The following COL6A6 variants were observed in gnomAD, a reference collection of about 807,000 sequenced individuals.
COL6A6 encodes collagen type VI alpha 6 chain, also known as collagen alpha-6(VI) chain.
In COL6A6, 183 loss-of-function variants were observed where a neutral mutation model predicts 208.6. The observed-to-expected ratio is 0.88, with a 90% CI of 0.78 to 0.99. The LOEUF (loss-of-function observed/expected upper bound fraction) is 0.99. COL6A6 is among the 50% of genes least tolerant of loss of function. The pLI, the probability that COL6A6 is intolerant of heterozygous loss-of-function variation, is 0.00. For synonymous variants in COL6A6, 973 were observed against 1,011.8 expected, an observed-to-expected ratio of 0.96 and a Z score of 0.73; for missense variants, 2,816 against 2,815.2, an observed-to-expected ratio of 1.00 and a Z score of -0.01.
chr3:130,573,761 G>C (rs1262606064), intron 7 of COL6A6, among the ~76,000 whole-genome samples, 195 bp from the exon 8 acceptor site: 1 of 151,664 alleles, frequency 6.6e-6, no homozygotes, highest in Non-Finnish European at 1.5e-5. Context: ...AGTTGATCCT[G>C]GGTTTCACCA....
chr3:130,594,495 G>T (rs1295628676), intron 18 of COL6A6, 152 bp downstream of exon 18: 3 of 622,982 alleles, frequency 4.8e-6, no homozygotes, highest in Non-Finnish European at 8.5e-6. Context: ...ACCTGTGCTA[G>T]ATCCTCTTCA....
In COL6A6 at chr3:130,566,995, T is replaced by G; in HGVS notation, c.1576T>G (p.Leu526Val). Residue 526 changes from leucine (L) to valine (V), a missense_variant, in exon 5 of 37, where the codon TTG becomes GTG. Physicochemically the swap from Leu to Val is conservative, Grantham distance 32. Coordinates refer to ENST00000358511, the MANE Select transcript of COL6A6 (RefSeq NM_001102608.3). Reference sequence around the variant, plus strand: ...AGCACTGAATTTCACACTGAGTCTGTTGCAAAAAGCAAAGAAGCAGCGAGG... The same window carrying G: ...AGCACTGAATTTCACACTGAGTCTGGTGCAAAAAGCAAAGAAGCAGCGAGG... Reference protein sequence around the residue: ...GAALNFTLSLLQKAKKQRGNK... With the variant: ...GAALNFTLSLVQKAKKQRGNK... 6.2e-7 allele frequency: 1 copy of G among 1,614,018 alleles called. No homozygotes were observed. The highest frequency in any genetic ancestry group is 8.5e-7 in the Non-Finnish European group (1 of 1,179,892).
chr3:130,528,997 C>T (rs1420526812), intron 1 of COL6A6, among the ~76,000 whole-genome samples: 5 of 152,044 alleles, frequency 3.3e-5, no homozygotes, highest in Non-Finnish European at 2.9e-5. Context: ...GGCTGAGGCA[C>T]GAGAATGGCG....
intron 28 of COL6A6, among the ~76,000 whole-genome samples, chr3:130,638,158 C>T (rs1020090108): frequency 6.6e-6 from 1 of 151,968 alleles, no homozygotes; most frequent in Non-Finnish European, 1.5e-5. Context: ...AATCCTTCAC[C>T]CCCTCACTCA....
At chr3:130,647,749 G>C (rs1219209846) in intron 32 of COL6A6, among the ~76,000 whole-genome samples, 1 of 152,224 alleles carries the variant, frequency 6.6e-6, no homozygotes, top group Non-Finnish European at 1.5e-5. Context: ...TTGTTGTAAA[G>C]CAAGATGGTC....
intron 31 of COL6A6, among the ~76,000 whole-genome samples, chr3:130,644,450 T>C (rs935255013): frequency 1.3e-5 from 2 of 152,238 alleles, no homozygotes; most frequent in Admixed American, 6.5e-5. Flanking sequence ...GTGGCTGCCA[T>C]GTTGAACAGT....
chr3:130,541,424 A>G (rs1460609985), intron 1 of COL6A6, among the ~76,000 whole-genome samples: 1 of 152,204 alleles, frequency 6.6e-6, no homozygotes, highest in African/African-American at 2.4e-5. Context: ...AGTTTAGGCA[A>G]TTACTAATAA....
intron 21 of COL6A6, 120 bp from the exon 22 acceptor site, chr3:130,608,782 T>C (rs2108199945): frequency 3.4e-6 from 1 of 294,726 alleles, no homozygotes; most frequent in Admixed American, 5.4e-5. Context: ...TTTTTTTTTT[T>C]TTTTTTTTGC....
intron 31 of COL6A6, 99 bp downstream of exon 31, chr3:130,643,122 T>TAA (rs2065367570): frequency 1.5e-6 from 2 of 1,295,838 alleles, no homozygotes; most frequent in Non-Finnish European, 2.2e-6. Flanking sequence ...GCCAATTTCT[T>TAA]AAAATTGGAG....
At chr3:130,519,939 C>G (rs999611048) in intron 1 of COL6A6, among the ~76,000 whole-genome samples, 1 of 152,136 alleles carries the variant, frequency 6.6e-6, no homozygotes. Flanking sequence ...TTAACAGGAA[C>G]GAATGATCCG....
At chr3:130,621,277 CT>C (rs1220331734) in intron 23 of COL6A6, among the ~76,000 whole-genome samples, 2 of 152,038 alleles carry the variant, frequency 1.3e-5, no homozygotes, top group African/African-American at 4.8e-5. Flanking sequence ...TTTACATTTA[CT>C]TTTCTAACTT....
At chr3:130,642,715 A>G (rs1260963075) in intron 29 of COL6A6, 117 bp from the exon 30 acceptor site, 1 of 864,614 alleles carries the variant, frequency 1.2e-6, no homozygotes, top group African/African-American at 1.7e-5. Flanking sequence ...GCCTCTTACA[A>G]TTTAATGAGA....
In COL6A6 at chr3:130,642,861, A is replaced by G. The variant is rs1250539640; in HGVS notation, c.5184A>G (p.Ser1728=). 2.5e-6 allele frequency: 4 copies of G among 1,613,904 alleles called. No individual in the cohort carries two copies. The highest frequency in any genetic ancestry group is 3.4e-6 in the Non-Finnish European group (4 of 1,179,848). The change falls in exon 30 of 37, where the codon TCA becomes TCG. Residue 1728 remains serine, a synonymous_variant. Transcript: ENST00000358511. The part of the protein sequence containing the change: ...KGVKGAKGLA[S]FSTCELIQYV... ...TGAAAGGAGCCAAAGGCTTGGCTTC[A>G]TTTTCTGTACGTATCTCCCGACTAC...
chr3:130,612,716 A>G (rs1363055718), intron 23 of COL6A6, among the ~76,000 whole-genome samples: 2 of 152,056 alleles, frequency 1.3e-5, no homozygotes, highest in Admixed American at 6.6e-5. Context: ...GGTGAGGTCT[A>G]TGTACATGAG....
chr3:130,614,602 A>C (rs1305338733), intron 23 of COL6A6, among the ~76,000 whole-genome samples: 1 of 152,140 alleles, frequency 6.6e-6, no homozygotes, highest in Middle Eastern at 3.2e-3. Context: ...TCTTCTTTAT[A>C]CATCTGATAG....
chr3:130,545,176 T>C (rs1341795463), intron 1 of COL6A6, among the ~76,000 whole-genome samples: 1 of 152,200 alleles, frequency 6.6e-6, no homozygotes, highest in African/African-American at 2.4e-5. Flanking sequence ...AGGTCTTTTA[T>C]ACATTTTGAG....
At chr3:130,627,256 T>G (rs2064917334) in intron 25 of COL6A6, 63 bp from the exon 26 acceptor site, 2 of 1,494,544 alleles carry the variant, frequency 1.3e-6, no homozygotes, top group African/African-American at 2.8e-5. Flanking sequence ...GTTGTCCTCT[T>G]GAAGAATAAG....
rs1380816164 is a variant in COL6A6 at position 130,581,577 on chromosome 3, TGTG to T, written c.3569_3571del (p.Val1190del). 2 of 1,608,076 alleles carry T rather than the reference TGTG, an allele frequency of 1.2e-6. No individual in the cohort carries two copies. Among genetic ancestry groups the T allele is most frequent in the Non-Finnish European group, 1.7e-6 (2 of 1,175,680 alleles). ...GAATCCTAGACTGTTTCGTGGATGT[TGTG>T]GTGGGATTTGATGTCTCAACTCAGG... is the stretch of plus-strand genomic sequence containing the variant. On this transcript the variant is annotated inframe_deletion, in exon 9 of 37. Coordinates refer to ENST00000358511, the MANE Select transcript of COL6A6 (RefSeq NM_001102608.3).
chr3:130,603,182 A>G (rs2064076602), intron 20 of COL6A6, among the ~76,000 whole-genome samples: 1 of 152,232 alleles, frequency 6.6e-6, no homozygotes, highest in Non-Finnish European at 1.5e-5. Flanking sequence ...TTTCCTGTCA[A>G]GGAACTTAGA....
Sources: gnomAD v4.1 joint callset for allele counts (sites outside exome capture counted in the v4.1 genomes callset) on GRCh38, gnomAD v4.1.1 for gene constraint, MANE v1.5 for transcripts, NCBI Gene and HGNC (gene_info 2026-07-23, HGNC 2026-07-21) for gene names.